RALYL: variants seen among roughly 807,000 people sequenced by gnomAD.
RALYL encodes the protein RNA-binding Raly-like protein.
RALYL carries 29 observed loss-of-function variants against 35.1 expected under a neutral mutation model. The observed-to-expected ratio is 0.83, with a 90% CI of 0.61 to 1.13. The LOEUF (loss-of-function observed/expected upper bound fraction) is 1.13. Among genes scored for constraint, RALYL ranks in the 50% most tolerant of loss-of-function variants. The pLI, the probability that RALYL is intolerant of heterozygous loss-of-function variation, is 0.00. For missense variants in RALYL, 359 were observed against 360.4 expected (o/e 1.00, Z 0.03); for synonymous variants, 120 against 127.6 (o/e 0.94, Z 0.40).
chr8:84,230,526 T>G (rs1267996485), intron 1 of RALYL, among the ~76,000 whole-genome samples: 1 of 152,202 alleles, frequency 6.6e-6, no homozygotes, highest in Non-Finnish European at 1.5e-5. Flanking sequence ...ACCTATTTAT[T>G]TACATTAGTT....
intron 8 of RALYL, among the ~76,000 whole-genome samples, chr8:84,913,040 G>GTAGA (rs1554650721): frequency 0.056 from 7,200 of 129,312 alleles, 202 homozygotes; most frequent in South Asian, 0.087. Context: ...GGATAGGTAG[G>GTAGA]TAGATAGATA....
At chr8:84,537,789 A>G (rs2059720660) in intron 2 of RALYL, among the ~76,000 whole-genome samples, 1 of 152,186 alleles carries the variant, frequency 6.6e-6, no homozygotes, top group Admixed American at 6.6e-5. Context: ...AACTCATTTT[A>G]CAAATAAGGG....
intron 1 of RALYL, among the ~76,000 whole-genome samples, chr8:84,513,694 A>G (rs1435536250): frequency 6.6e-6 from 1 of 152,082 alleles, no homozygotes; most frequent in South Asian, 2.1e-4. Flanking sequence ...ATTGTTTCCT[A>G]TTGTTAATCA....
At chr8:84,754,026 A>T (rs1277718422) in intron 2 of RALYL, among the ~76,000 whole-genome samples, 3 of 151,688 alleles carry the variant, frequency 2.0e-5, no homozygotes, top group Non-Finnish European at 2.9e-5. Flanking sequence ...TTCATTGTAG[A>T]TTCTGGATAT....
At chr8:84,639,866 C>T (rs1343861182) in intron 2 of RALYL, among the ~76,000 whole-genome samples, 1 of 151,868 alleles carries the variant, frequency 6.6e-6, no homozygotes, top group African/African-American at 2.4e-5. Flanking sequence ...AGGCAAAATC[C>T]AGAAGCCAAA....
intron 3 of RALYL, among the ~76,000 whole-genome samples, chr8:84,775,641 G>A (rs144944624): frequency 1.8e-4 from 28 of 152,178 alleles, no homozygotes; most frequent in South Asian, 6.2e-4. Flanking sequence ...TCCCCTCTAC[G>A]TGCCCCAATT....
chr8:84,194,947 G>T (rs1162867869), intron 1 of RALYL, among the ~76,000 whole-genome samples: 2 of 152,150 alleles, frequency 1.3e-5, no homozygotes, highest in East Asian at 3.9e-4. Context: ...TTGTTCAACA[G>T]ATGGAAAAAA....
intron 1 of RALYL, among the ~76,000 whole-genome samples, chr8:84,198,924 A>C (rs1250625478): frequency 6.6e-6 from 1 of 152,124 alleles, no homozygotes; most frequent in African/African-American, 2.4e-5. Flanking sequence ...TTGCTTCCAA[A>C]TCTTGGCTGT....
At chr8:84,641,465 T>C (rs1326150972) in intron 2 of RALYL, among the ~76,000 whole-genome samples, 1 of 151,812 alleles carries the variant, frequency 6.6e-6, no homozygotes, top group Non-Finnish European at 1.5e-5. Context: ...TGGGAATGAC[T>C]GAGACATCCA....
intron 2 of RALYL, among the ~76,000 whole-genome samples, chr8:84,575,170 C>G (rs901515080): frequency 1.3e-5 from 2 of 152,056 alleles, no homozygotes; most frequent in Non-Finnish European, 2.9e-5. Context: ...ACTGAATCTC[C>G]CATTAAAACC....
At chr8:84,601,033 A>T (rs962116460) in intron 2 of RALYL, among the ~76,000 whole-genome samples, 3 of 152,154 alleles carry the variant, frequency 2.0e-5, no homozygotes, top group Non-Finnish European at 2.9e-5. Context: ...GATATCTGAG[A>T]TGTGGTTCCT....
At chr8:84,627,463 T>C (rs183916534) in intron 2 of RALYL, among the ~76,000 whole-genome samples, 7 of 148,244 alleles carry the variant, frequency 4.7e-5, no homozygotes, top group Admixed American at 4.1e-4. Context: ...ATCGAGTGGC[T>C]AGGATTCCAA....
chr8:84,742,562 G>T (rs1199507450), intron 2 of RALYL, among the ~76,000 whole-genome samples: 5 of 151,942 alleles, frequency 3.3e-5, no homozygotes, highest in Admixed American at 3.3e-4. Flanking sequence ...TCCATTCTCT[G>T]CCTCAGTCCC....
chr8:84,461,940 C>T (rs183422498), intron 1 of RALYL, among the ~76,000 whole-genome samples: 14 of 151,642 alleles, frequency 9.2e-5, no homozygotes, highest in Admixed American at 5.3e-4. Flanking sequence ...CATTAGGATT[C>T]ACTCTTTATG....
intron 1 of RALYL, among the ~76,000 whole-genome samples, chr8:84,208,350 G>A (rs533831674): frequency 2.0e-5 from 3 of 152,144 alleles, no homozygotes; most frequent in Admixed American, 2.0e-4. Context: ...GGATGTACTG[G>A]CAGATTAGAA....
At chr8:84,499,237 T>A (rs1264490640) in intron 1 of RALYL, among the ~76,000 whole-genome samples, 1 of 152,064 alleles carries the variant, frequency 6.6e-6, no homozygotes, top group Non-Finnish European at 1.5e-5. Context: ...AACGCTTACC[T>A]CCCTCGCGCC....
intron 3 of RALYL, among the ~76,000 whole-genome samples, chr8:84,801,374 G>GACTT (rs1273888303): frequency 2.0e-5 from 3 of 152,120 alleles, no homozygotes; most frequent in Non-Finnish European, 4.4e-5. Context: ...ATCATCAGAA[G>GACTT]ACTTAACACA....
chr8:84,372,897 T>TTTGTTTTGTTTTG (rs1856133305), intron 1 of RALYL, among the ~76,000 whole-genome samples: 4 of 136,960 alleles, frequency 2.9e-5, no homozygotes, highest in Non-Finnish European at 4.7e-5. Context: ...TTTTTTTTTT[T>TTTGTTTTGTTTTG]TTTTTTTTTT....
chr8:84,841,714 G>A (rs1051094572), intron 4 of RALYL, among the ~76,000 whole-genome samples: 6 of 152,152 alleles, frequency 3.9e-5, no homozygotes, highest in African/African-American at 1.4e-4. Flanking sequence ...CCACATAGTT[G>A]GAAGTAAAGC....
Sources: allele counts gnomAD v4.1 joint callset (sites outside exome capture counted in the v4.1 genomes callset), GRCh38; gene constraint gnomAD v4.1.1; transcripts MANE v1.5; gene names NCBI Gene and HGNC (gene_info 2026-07-23, HGNC 2026-07-21).